Variants in CPT2 observed in about 807,000 individuals in gnomAD.
The protein encoded by CPT2 is carnitine palmitoyltransferase 2.
In CPT2, 37 loss-of-function variants were observed where a neutral mutation model predicts 48.6. The ratio of observed to expected loss-of-function variants is 0.76; its 90% CI spans 0.59 to 1.00. The LOEUF (loss-of-function observed/expected upper bound fraction) is 1.00. Among genes scored for constraint, CPT2 ranks in the 50% least tolerant of loss-of-function variants. The pLI, the probability that CPT2 is intolerant of heterozygous loss-of-function variation, is 0.00. For synonymous variants in CPT2, 319 were observed against 326.9 expected, an observed-to-expected ratio of 0.98 and a Z score of 0.26; for missense variants, 772 against 825.6, an observed-to-expected ratio of 0.94 and a Z score of 0.80.
At position 53,210,487 on chromosome 1, in the gene CPT2, A is replaced by G. The variant is rs561154406; in HGVS notation, c.813A>G (p.Ala271=). ...GNIVSPSEIQ[A]HLKYILSDSS... ...TTGTGAGCCCCTCGGAAATCCAGGC[A>G]CATCTGAAGTACATTCTCTCAGACA... The change falls in exon 4 of 5, where the codon GCA becomes GCG. Residue 271 remains alanine, a synonymous_variant. Transcript: ENST00000371486. The G allele has an allele frequency of 1.9e-6, 3 of 1,614,128 alleles. No individual in the cohort carries two copies. The highest frequency in any genetic ancestry group is 4.5e-5 in the East Asian group (2 of 44,876).
At chr1:53,201,048 C>T (rs1645352237) in intron 2 of CPT2, 1 of 527,522 alleles carries the variant, frequency 1.9e-6, no homozygotes, top group South Asian at 1.9e-5. Flanking sequence ...GTGTACTTTC[C>T]CTTAGCAGGT....
chr1:53,204,793 A>C (rs752606700), intron 3 of CPT2, among the ~76,000 whole-genome samples: 2 of 152,102 alleles, frequency 1.3e-5, no homozygotes, highest in Admixed American at 6.6e-5. Context: ...TCTGATAGTT[A>C]AAAAGTGTTC....
Position 53,210,045 on chromosome 1 carries a change from G to A in CPT2, c.371G>A (p.Arg124Gln), listed in dbSNP as rs1131691925. 2.5e-6 allele frequency: 4 copies of A among 1,613,342 alleles called. No homozygotes were observed. Among genetic ancestry groups the A allele is most frequent in the African/African-American group, 1.3e-5 (1 of 74,686 alleles). ...TGGTTTGATATGTACCTATCTGCTC[G>A]AGACTCCGTTGTTCTGAACTTTAAT... ...GPWFDMYLSA[R>Q]DSVVLNFNPF... is the part of the protein sequence containing the mutation. The change falls in exon 4 of 5, where the codon CGA (arginine) becomes CAA (glutamine). Residue 124 changes from arginine (R) to glutamine (Q), a missense_variant. Coordinates refer to ENST00000371486, the MANE Select transcript of CPT2 (RefSeq NM_000098.3).
chr1:53,213,181 T>C (rs1645440633), intron 4 of CPT2, 83 bp from the exon 5 acceptor site: 6 of 1,387,648 alleles, frequency 4.3e-6, no homozygotes, highest in Admixed American at 3.5e-5. Flanking sequence ...GTGAGGGGTA[T>C]TCCTACCATG....
rs149482202 is a variant in CPT2, at chr1:53,197,693, CA to C, written c.152+599del. On this transcript the variant is annotated intron_variant, in intron 1 of 4. Transcript: ENST00000371486. The stretch of plus-strand genomic sequence containing the variant: ...CCCTTGTCCTCAACTGACCCTCCCC[CA>C]TGTTTTTAAATCTTTAATCTCCTAA... Among the ~76,000 whole-genome samples the C allele has an allele frequency of 9.5e-3, 1,438 of 152,142 alleles. 10 individuals carry two copies. Among genetic ancestry groups the C allele is most frequent in the South Asian group, 0.036 (173 of 4,804 alleles).
At chr1:53,209,811 A>G in intron 3 of CPT2, 4 of 605,262 alleles carry the variant, frequency 6.6e-6, no homozygotes, top group South Asian at 2.0e-5. Context: ...TGTAAGTGAT[A>G]GAAGCTAAAT....
In CPT2 at chr1:53,211,224, T is replaced by G; in HGVS notation, c.1550T>G (p.Val517Gly). 1.9e-6 allele frequency: 3 copies of G among 1,610,246 alleles called. No homozygotes were observed. The highest frequency in any genetic ancestry group is 2.5e-6 in the Non-Finnish European group (3 of 1,177,446). ...ACAAAGAGGTGCTCTGAGGCCTTTG[T>G]CAGGGAGCCCTCCAGGCACAGTGCT... Reference protein sequence around the residue: ...VYTKRCSEAFVREPSRHSAGE... With the variant: ...VYTKRCSEAFGREPSRHSAGE... Residue 517 changes from valine (V) to glycine (G), a missense_variant, in exon 4 of 5, where the codon GTC becomes GGC. Transcript: ENST00000371486.
chr1:53,206,711 G>T (rs1021312612), intron 3 of CPT2, among the ~76,000 whole-genome samples: 1 of 152,222 alleles, frequency 6.6e-6, no homozygotes, highest in Non-Finnish European at 1.5e-5. Context: ...CCCAATGCTT[G>T]TAACACCAGT....
intron 3 of CPT2, chr1:53,203,916 A>G (rs1645370384): frequency 6.6e-6 from 1 of 152,112 alleles, no homozygotes; most frequent in Non-Finnish European, 1.5e-5. Context: ...ATTTTCCCAC[A>G]GAATTTTGGA....
chr1:53,213,658 G>A lies in CPT2; in HGVS notation c.*63G>A. The A allele has an allele frequency of 7.0e-7, 1 of 1,427,822 alleles. No homozygotes were observed. Among genetic ancestry groups the A allele is most frequent in the Non-Finnish European group, 9.7e-7 (1 of 1,032,322 alleles). 88.4% of individuals were successfully genotyped at this position (1,427,822 alleles called of 1,614,324 possible). On this transcript the variant is annotated 3_prime_UTR_variant, in exon 5 of 5. Transcript: ENST00000371486. Reference sequence around the variant, plus strand: ...CATGAAAACTGGGAGGCCGGGCATGGTGGCTCATGCCTGTAATCCCAGCAT... The same window carrying A: ...CATGAAAACTGGGAGGCCGGGCATGATGGCTCATGCCTGTAATCCCAGCAT...
chr1:53,212,996 T>A (rs2100277794), intron 4 of CPT2, among the ~76,000 whole-genome samples: 1 of 152,328 alleles, frequency 6.6e-6, no homozygotes, highest in Non-Finnish European at 1.5e-5. Flanking sequence ...ATCTTTAAAA[T>A]TATGCTTTCC....
chr1:53,213,643 G>A lies in CPT2; in HGVS notation c.*48G>A. ...CCATCACTTCCTCATCATGAAAACT[G>A]GGAGGCCGGGCATGGTGGCTCATGC... On this transcript the variant is annotated 3_prime_UTR_variant, in exon 5 of 5. Transcript: ENST00000371486. 1 of 1,536,270 alleles carries A rather than the reference G, an allele frequency of 6.5e-7. No homozygotes were observed.
intron 3 of CPT2, 105 bp from the exon 4 acceptor site, chr1:53,209,910 T>G: frequency 1.1e-6 from 1 of 918,516 alleles, no homozygotes. Context: ...CTCTGGAGGT[T>G]GATGCCATTT....
chr1:53,205,237 T>C (rs1645380004), intron 3 of CPT2, among the ~76,000 whole-genome samples: 2 of 152,074 alleles, frequency 1.3e-5, no homozygotes. Context: ...ATGAGGAACT[T>C]ATTGGGAACT....
At chr1:53,212,105 C>T (rs1179242460) in intron 4 of CPT2, among the ~76,000 whole-genome samples, 2 of 139,356 alleles carry the variant, frequency 1.4e-5, no homozygotes, top group African/African-American at 5.5e-5. Flanking sequence ...TGCTCTGTTG[C>T]CCAGGCTGGA....
intron 4 of CPT2, chr1:53,213,056 C>T (rs3766757): frequency 0.035 from 20,859 of 603,200 alleles, 1,239 homozygotes; most frequent in Admixed American, 0.19. Context: ...TTAAATGTAA[C>T]ATGACATAAT....
At position 53,210,194 on chromosome 1, in the gene CPT2, GA is replaced by G. The variant is rs2100271968; in HGVS notation, c.522del (p.Val175CysfsTer4). The G allele has an allele frequency of 3.1e-6, 5 of 1,614,188 alleles. No individual in the cohort carries two copies. Among genetic ancestry groups the G allele is most frequent in the Non-Finnish European group, 4.2e-6 (5 of 1,180,042 alleles). On this transcript the variant is annotated frameshift_variant, in exon 4 of 5. Transcript: ENST00000371486. LOFTEE classifies it high-confidence loss of function. ...KTLRAGLLEP[E>X]VFHLNPAKSD... ...ACTCCGGGCTGGCCTTCTGGAGCCA[GA>G]AGTGTTCCACTTGAACCCTGCAAAA...
intron 2 of CPT2, 94 bp downstream of exon 2, chr1:53,200,893 G>A (rs781319201): frequency 1.2e-5 from 12 of 997,680 alleles, no homozygotes; most frequent in East Asian, 7.1e-5. Context: ...TGTCTGTGAC[G>A]TGGCTGGGTC....
rs1400145649 is a variant in CPT2, at chr1:53,213,724, T to G, written c.*129T>G. 7 of 817,992 alleles carry G rather than the reference T, an allele frequency of 8.6e-6. No individual in the cohort carries two copies. In the East Asian group the frequency reaches 1.9e-4, roughly 22 times the overall value. 50.7% of individuals were successfully genotyped at this position (817,992 alleles called of 1,614,324 possible). On this transcript the variant is annotated 3_prime_UTR_variant, in exon 5 of 5. Transcript: ENST00000371486. ...CGGGTGGATCACTTGAGGTCAGGAG[T>G]TTGAGACCAACCTGGCCAACATGGT... is the stretch of plus-strand genomic sequence containing the variant.
Sources: allele counts gnomAD v4.1 joint callset (sites outside exome capture counted in the v4.1 genomes callset), GRCh38; gene constraint gnomAD v4.1.1; transcripts MANE v1.5; gene names NCBI Gene and HGNC (gene_info 2026-07-23, HGNC 2026-07-21).